The following RBM28 variants were observed in gnomAD, a reference collection of about 807,000 sequenced individuals.
The protein encoded by RBM28 is RNA binding motif protein 28.
A neutral mutation model predicts 98.3 loss-of-function variants in RBM28; 78 were observed. That is an observed-to-expected ratio of 0.79 (90% CI 0.66 to 0.96). RBM28 has a LOEUF of 0.96. Ranked by LOEUF, RBM28 falls within the 40% of genes least tolerant of loss-of-function variation. The pLI, the probability that RBM28 is intolerant of heterozygous loss-of-function variation, is 0.00. For missense variants in RBM28, 838 were observed against 913.0 expected, an observed-to-expected ratio of 0.92 and a Z score of 1.06; for synonymous variants, 306 against 330.9, an observed-to-expected ratio of 0.92 and a Z score of 0.82.
At position 128,343,666 on chromosome 7, in the gene RBM28, C is replaced by A. The variant is rs1466626809; in HGVS notation, c.118+10G>T. ...AACCCCAGCCCTATCCTCGACCGCC[C>A]CGCCCCTACCTTTTTCAGTCACCAC... On this transcript the variant is annotated intron_variant, in intron 1 of 18. Coordinates refer to ENST00000223073, the MANE Select transcript of RBM28 (RefSeq NM_018077.3). The A allele has an allele frequency of 6.3e-7, 1 of 1,599,654 alleles. No homozygotes were observed. The highest frequency in any genetic ancestry group is 1.3e-5 in the African/African-American group (1 of 74,332).
chr7:128,315,795 A>G (rs576627336), intron 16 of RBM28, among the ~76,000 whole-genome samples: 77 of 152,362 alleles, frequency 5.1e-4, no homozygotes, highest in Middle Eastern at 6.8e-3. Context: ...CAGACAAAAG[A>G]AAATGGAGAG....
At position 128,313,158 on chromosome 7, in the gene RBM28, T is replaced by A; in HGVS notation, c.2145+17A>T. 1.2e-6 allele frequency: 2 copies of A among 1,605,744 alleles called. No individual in the cohort carries two copies. The highest frequency in any genetic ancestry group is 2.2e-5 in the South Asian group (2 of 90,890). On this transcript the variant is annotated intron_variant, in intron 18 of 18. Coordinates refer to ENST00000223073, the MANE Select transcript of RBM28 (RefSeq NM_018077.3). ...AGAACCATGCCATACCAAAGCTGTA[T>A]GTCCTGCAGAACTCACCTGCTCGGA...
chr7:128,313,058 C>T (rs1233219755), intron 18 of RBM28, 117 bp downstream of exon 18: 1 of 1,032,496 alleles, frequency 9.7e-7, no homozygotes, highest in Non-Finnish European at 1.5e-6. Context: ...TAAAAAGCTA[C>T]CGTCCTACAC....
At chr7:128,320,393 G>A (rs1484912822) in intron 14 of RBM28, among the ~76,000 whole-genome samples, 1 of 139,166 alleles carries the variant, frequency 7.2e-6, no homozygotes, top group East Asian at 2.0e-4. Flanking sequence ...CAAAGACAGA[G>A]CAAGACCACA....
chr7:128,318,396 C>T (rs1796150891), intron 14 of RBM28, among the ~76,000 whole-genome samples: 1 of 151,650 alleles, frequency 6.6e-6, no homozygotes, highest in Admixed American at 6.6e-5. Flanking sequence ...ATCACCTGAG[C>T]CCGGGGAGGT....
intron 16 of RBM28, 106 bp downstream of exon 16, chr7:128,317,553 A>G (rs139078351): frequency 2.2e-6 from 2 of 913,180 alleles, no homozygotes; most frequent in Non-Finnish European, 1.8e-6. Context: ...ACTAGGAGCA[A>G]AAAAACCTAA....
intron 1 of RBM28, 59 bp from the exon 2 acceptor site, chr7:128,339,850 A>T: frequency 6.4e-7 from 1 of 1,551,468 alleles, no homozygotes. Flanking sequence ...AGAGAATCAT[A>T]AGCCAAGAGC....
chr7:128,323,188 T>C (rs1796273324), intron 13 of RBM28, among the ~76,000 whole-genome samples: 1 of 152,234 alleles, frequency 6.6e-6, no homozygotes, highest in Non-Finnish European at 1.5e-5. Context: ...TTTTACATTA[T>C]TCTGTGTTTA....
At chr7:128,317,086 T>G (rs994078257) in intron 16 of RBM28, among the ~76,000 whole-genome samples, 2 of 152,186 alleles carry the variant, frequency 1.3e-5, no homozygotes, top group Non-Finnish European at 2.9e-5. Context: ...ACATGTATTA[T>G]CTCATTTAGT....
chr7:128,337,020 C>G, intron 6 of RBM28, 111 bp downstream of exon 6: 2 of 1,160,082 alleles, frequency 1.7e-6, no homozygotes, highest in East Asian at 4.8e-5. Flanking sequence ...CAGGCAAGAG[C>G]CACTGCACCC....
intron 10 of RBM28, among the ~76,000 whole-genome samples, chr7:128,329,641 T>C (rs1796429695): frequency 6.6e-6 from 1 of 152,078 alleles, no homozygotes; most frequent in African/African-American, 2.4e-5. Flanking sequence ...ATCCCAGCAC[T>C]TTGGGAGGCC....
At chr7:128,340,289 A>G (rs1445171121) in intron 1 of RBM28, among the ~76,000 whole-genome samples, 1 of 152,164 alleles carries the variant, frequency 6.6e-6, no homozygotes, top group African/African-American at 2.4e-5. Context: ...TCAGGAATGG[A>G]TTAATCAATT....
chr7:128,339,229 T>G lies in RBM28; in HGVS notation c.370A>C (p.Lys124Gln), dbSNP rs1381246655. 6.2e-7 allele frequency: 1 copy of G among 1,607,242 alleles called. No individual in the cohort carries two copies. ...TGTTCATTTTCTCTCTCACTTACCT[T>G]AAAGCTCAGGTTCCGAATAATTAAT... is the stretch of plus-strand genomic sequence containing the variant. Reference protein sequence around the residue: ...ARLIIRNLSFKCSEDDLKTVF... With the variant: ...ARLIIRNLSFQCSEDDLKTVF... The change falls in exon 3 of 19, where the codon AAG (lysine) becomes CAG (glutamine). Residue 124 changes from lysine to glutamine, a missense_variant and splice_region_variant. Lys to Gln is a moderately conservative substitution (Grantham distance 53). Transcript: ENST00000223073.
chr7:128,320,254 AGCCAG>A (rs2116337904), intron 14 of RBM28, among the ~76,000 whole-genome samples: 2 of 126,626 alleles, frequency 1.6e-5, no homozygotes, highest in East Asian at 5.4e-4. Context: ...GAAAGAAATT[AGCCAG>A]GCATGGTGGT....
At chr7:128,328,597 T>C (rs1459595411) in intron 10 of RBM28, among the ~76,000 whole-genome samples, 2 of 152,238 alleles carry the variant, frequency 1.3e-5, no homozygotes, top group Non-Finnish European at 2.9e-5. Flanking sequence ...GGATATCTAG[T>C]CAGTCAATTG....
At position 128,307,497 on chromosome 7, in the gene RBM28, C is replaced by T. The variant is rs1562945031; in HGVS notation, c.*3300G>A. Reference sequence around the variant, plus strand: ...TACCAAAGTACATTTTGAAGTATTTCGAAGAATGAATCACATGCCCTAACT... The same window carrying T: ...TACCAAAGTACATTTTGAAGTATTTTGAAGAATGAATCACATGCCCTAACT... On this transcript the variant is annotated 3_prime_UTR_variant, in exon 19 of 19. Transcript: ENST00000223073. 1.3e-5 allele frequency: 2 copies of T among 150,142 alleles called. No individual in the cohort carries two copies. The highest frequency in any genetic ancestry group is 1.3e-4 in the Admixed American group (2 of 15,206). The allele number at this position is 150,142 out of a possible 1,614,324, so 9.3% of individuals were successfully genotyped here. A position where few individuals can be genotyped will look rare whatever the true frequency, so the allele number is the denominator to read the frequency against.
intron 17 of RBM28, among the ~76,000 whole-genome samples, chr7:128,314,468 T>C (rs1381682656): frequency 6.6e-6 from 1 of 152,250 alleles, no homozygotes; most frequent in Non-Finnish European, 1.5e-5. Flanking sequence ...AAACTACAAC[T>C]GAACCTCAAG....
chr7:128,324,607 C>T lies in RBM28; in HGVS notation c.1291G>A (p.Val431Met). ...DEAAKLQTTK[V>M]KKPTGTRNLY... Reference sequence around the variant, plus strand: ...TTCCGGGTGCCAGTCGGCTTCTTCACCTTCGTCGTCTGAAGCTTTGCAGCC... The same window carrying T: ...TTCCGGGTGCCAGTCGGCTTCTTCATCTTCGTCGTCTGAAGCTTTGCAGCC... The change falls in exon 12 of 19, where the codon GTG becomes ATG. Residue 431 changes from valine (V) to methionine (M), a missense_variant. Physicochemically the swap from Val to Met is conservative, Grantham distance 21 (BLOSUM62 1). Transcript: ENST00000223073. 1.9e-6 allele frequency: 3 copies of T among 1,614,196 alleles called. No homozygotes were observed. The highest frequency in any genetic ancestry group is 1.3e-5 in the African/African-American group (1 of 75,050).
At chr7:128,343,341 G>T (rs955159746) in intron 1 of RBM28, among the ~76,000 whole-genome samples, 11 of 152,156 alleles carry the variant, frequency 7.2e-5, no homozygotes, top group Non-Finnish European at 1.5e-5. Flanking sequence ...CGGTAAGATT[G>T]CTGAGAAAAT....
Sources: allele counts gnomAD v4.1 joint callset (sites outside exome capture counted in the v4.1 genomes callset), GRCh38; gene constraint gnomAD v4.1.1; transcripts MANE v1.5; gene names NCBI Gene and HGNC (gene_info 2026-07-23, HGNC 2026-07-21).